The following MYO1D variants were observed in gnomAD, a reference collection of about 807,000 sequenced individuals.
MYO1D encodes the protein unconventional myosin-Id.
A neutral mutation model predicts 122.0 loss-of-function variants in MYO1D; 83 were observed. The ratio of observed to expected loss-of-function variants is 0.68; its 90% confidence interval spans 0.57 to 0.82. The LOEUF (loss-of-function observed/expected upper bound fraction) is 0.82. MYO1D is among the 40% of genes least tolerant of loss of function. The probability of loss-of-function intolerance (pLI) is 0.00; values close to 1 mark genes in which losing one functional copy is unlikely to be tolerated. For synonymous variants in MYO1D, 464 were observed against 446.9 expected, an observed-to-expected ratio of 1.04 and a Z score of -0.48; for missense variants, 1,157 against 1,269.5, an observed-to-expected ratio of 0.91 and a Z score of 1.35.
chr17:32,833,429 C>T (rs536925962), intron 1 of MYO1D, among the ~76,000 whole-genome samples: 2 of 152,278 alleles, frequency 1.3e-5, no homozygotes, highest in South Asian at 2.1e-4. Flanking sequence ...GTCACTATCA[C>T]CTCTCCCACC....
intron 8 of MYO1D, among the ~76,000 whole-genome samples, chr17:32,763,184 T>G (rs2090020341): frequency 6.8e-6 from 1 of 146,042 alleles, no homozygotes; most frequent in Admixed American, 6.7e-5. Flanking sequence ...AGACTCCATC[T>G]CAAAAAAAAA....
At chr17:32,711,479 C>G (rs1276033584) in intron 16 of MYO1D, among the ~76,000 whole-genome samples, 1 of 152,152 alleles carries the variant, frequency 6.6e-6, no homozygotes, top group East Asian at 1.9e-4. Flanking sequence ...AACCCTATCT[C>G]TACTAAAAAC....
chr17:32,736,991 T>C (rs948362296), intron 14 of MYO1D, among the ~76,000 whole-genome samples: 2 of 152,196 alleles, frequency 1.3e-5, no homozygotes, highest in African/African-American at 2.4e-5. Flanking sequence ...ATGCGGTCAC[T>C]TGAGGCCAAA....
At chr17:32,849,638 G>C (rs1414169583) in intron 1 of MYO1D, among the ~76,000 whole-genome samples, 1 of 149,608 alleles carries the variant, frequency 6.7e-6, no homozygotes, top group African/African-American at 2.5e-5. Context: ...ACAGGAAGGG[G>C]AATATCACAC....
rs529525306 is a variant in MYO1D, at chr17:32,726,999, C to T, written c.1747-5810G>A. Reference sequence around the variant, plus strand: ...ATTCAAGAATGATATTGCAATAAGTCAAGTAACCACTATAACAGTATTTAA... The same window carrying T: ...ATTCAAGAATGATATTGCAATAAGTTAAGTAACCACTATAACAGTATTTAA... On this transcript the variant is annotated intron_variant, in intron 14 of 21. Transcript: ENST00000318217. Among the ~76,000 whole-genome samples, 114 of 152,030 alleles carry T rather than the reference C, an allele frequency of 7.5e-4. 1 individual carries two copies. The highest frequency in any genetic ancestry group is 3.4e-3 in the Middle Eastern group (1 of 294).
At chr17:32,738,220 T>G in intron 14 of MYO1D, 33 bp downstream of exon 14, 1 of 1,538,636 alleles carries the variant, frequency 6.5e-7, no homozygotes, top group South Asian at 1.3e-5. Flanking sequence ...AATCTATGAG[T>G]TAAAATGGAT....
rs1200114681 is a variant in MYO1D, at chr17:32,791,184, T to C, written c.96-10400A>G. ...TTTGAGACCAGCCTGGCCAACATGG[T>C]GAAACCCCATCTCTACCAAAAATAC... is the stretch of plus-strand genomic sequence containing the variant. On this transcript the variant is annotated intron_variant, in intron 1 of 21. Transcript: ENST00000318217. Among the ~76,000 whole-genome samples, 5 of 151,864 alleles carry C rather than the reference T, an allele frequency of 3.3e-5. No homozygotes were observed. In the East Asian group the frequency reaches 7.7e-4, roughly 24 times the overall value.
chr17:32,735,127 C>CACACACACACACACA, intron 14 of MYO1D, among the ~76,000 whole-genome samples: 1 of 148,768 alleles, frequency 6.7e-6, no homozygotes, highest in South Asian at 2.1e-4. Flanking sequence ...CACACACGAA[C>CACACACACACACACA]CCAAAATGGT....
intron 21 of MYO1D, among the ~76,000 whole-genome samples, chr17:32,525,895 C>T (rs560000922): frequency 1.3e-5 from 2 of 152,336 alleles, no homozygotes; most frequent in South Asian, 2.1e-4. Context: ...ACCTGCCCTT[C>T]TCGCTAGGTC....
intron 21 of MYO1D, among the ~76,000 whole-genome samples, chr17:32,542,056 C>T (rs565879516): frequency 1.4e-4 from 21 of 152,296 alleles, no homozygotes; most frequent in African/African-American, 4.3e-4. Flanking sequence ...ACCAGGTTTG[C>T]AGCTCCTTCT....
chr17:32,668,967 G>C (rs762560407), intron 16 of MYO1D, among the ~76,000 whole-genome samples: 1 of 152,042 alleles, frequency 6.6e-6, no homozygotes, highest in Admixed American at 6.5e-5. Context: ...CTCCCAAAGT[G>C]CTGGGATTAC....
At chr17:32,552,452 C>CCATT (rs1555625162) in intron 21 of MYO1D, among the ~76,000 whole-genome samples, 13 of 132,738 alleles carry the variant, frequency 9.8e-5, no homozygotes, top group African/African-American at 3.6e-4. Flanking sequence ...ATCCATCCAT[C>CCATT]CATCCATCCA....
intron 1 of MYO1D, among the ~76,000 whole-genome samples, chr17:32,816,341 G>C (rs1244702404): frequency 6.6e-6 from 1 of 152,154 alleles, no homozygotes; most frequent in Non-Finnish European, 1.5e-5. Context: ...AGGCTTCACT[G>C]AGACAAACGC....
At chr17:32,545,634 C>A (rs1035972643) in intron 21 of MYO1D, among the ~76,000 whole-genome samples, 3 of 152,146 alleles carry the variant, frequency 2.0e-5, no homozygotes, top group Non-Finnish European at 4.4e-5. Context: ...ATATGGTAGA[C>A]TTTAATTAGT....
At chr17:32,705,008 A>G (rs1041789087) in intron 16 of MYO1D, among the ~76,000 whole-genome samples, 2 of 152,136 alleles carry the variant, frequency 1.3e-5, no homozygotes, top group African/African-American at 4.8e-5. Flanking sequence ...AGTTTTTGCA[A>G]TCTAGATGGT....
At chr17:32,618,248 T>C (rs982718421) in intron 20 of MYO1D, among the ~76,000 whole-genome samples, 2 of 152,254 alleles carry the variant, frequency 1.3e-5, no homozygotes, top group African/African-American at 2.4e-5. Flanking sequence ...CCTAGTACTA[T>C]TGATCAACAT....
At chr17:32,567,819 C>T (rs111697324) in intron 21 of MYO1D, among the ~76,000 whole-genome samples, 4 of 152,132 alleles carry the variant, frequency 2.6e-5, no homozygotes, top group Admixed American at 2.6e-4. Context: ...AGGCTGTGTC[C>T]GGGTAGTTCA....
chr17:32,849,877 C>T (rs1197616838), intron 1 of MYO1D, among the ~76,000 whole-genome samples: 1 of 152,136 alleles, frequency 6.6e-6, no homozygotes, highest in African/African-American at 2.4e-5. Flanking sequence ...AAATTGTGGA[C>T]TTTTGTGTCC....
chr17:32,654,511 A>T lies in MYO1D; in HGVS notation c.2456T>A (p.Leu819His). 6.2e-7 allele frequency: 1 copy of T among 1,614,006 alleles called. No individual in the cohort carries two copies. Among genetic ancestry groups the T allele is most frequent in the East Asian group, 2.2e-5 (1 of 44,874 alleles). Residue 819 changes from leucine (L) to histidine (H), a missense_variant, in exon 18 of 22, where the codon CTC becomes CAC. Transcript: ENST00000318217. ...ATAGTTGCCCTCCCAGGCCCTCTGG[A>T]GCCCGAGGTCAGCCCTTTGACCCTT... ...MLKGQRADLG[L>H]QRAWEGNYLA... is the part of the protein sequence containing the mutation.
Sources: allele counts gnomAD v4.1 joint callset (sites outside exome capture counted in the v4.1 genomes callset), GRCh38; gene constraint gnomAD v4.1.1; transcripts MANE v1.5; gene names NCBI Gene and HGNC (gene_info 2026-07-23, HGNC 2026-07-21).